The following RAD51B variants were observed in gnomAD, a reference collection of about 807,000 sequenced individuals.
RAD51B encodes RAD51 paralog B, also known as DNA repair protein RAD51 homolog 2.
Under a neutral mutation model 42.2 loss-of-function variants are expected in RAD51B, and 38 were observed. The ratio of observed to expected loss-of-function variants is 0.90; its 90% CI spans 0.70 to 1.18. The LOEUF is 1.18. Among genes scored for constraint, RAD51B ranks in the 50% most tolerant of loss-of-function variants. The pLI is 0.00. For synonymous variants in RAD51B, 154 were observed against 145.2 expected (o/e 1.06, Z -0.43); for missense variants, 373 against 400.7 (o/e 0.93, Z 0.59).
At chr14:68,611,148 C>T (rs1294804496) in exon 11 of RAD51B, 3 of 703,148 alleles carry the variant, frequency 4.3e-6, no homozygotes, top group Non-Finnish European at 5.2e-6. Context: ...TCTCCATGTG[C>T]CCTCCACAGA....
intron 7 of RAD51B, among the ~76,000 whole-genome samples, chr14:68,063,907 G>A (rs2076608774): frequency 6.6e-6 from 1 of 152,054 alleles, no homozygotes; most frequent in African/African-American, 2.4e-5. Flanking sequence ...TTGTTATTTT[G>A]TTATTTGTTT....
At chr14:68,460,661 G>C (rs1363796470) in intron 9 of RAD51B, among the ~76,000 whole-genome samples, 1 of 152,150 alleles carries the variant, frequency 6.6e-6, no homozygotes, top group East Asian at 1.9e-4. Flanking sequence ...GAGAAGGCCT[G>C]GGGTGACTAT....
At chr14:68,104,895 T>A (rs1352772653) in intron 7 of RAD51B, among the ~76,000 whole-genome samples, 1 of 152,112 alleles carries the variant, frequency 6.6e-6, no homozygotes, top group Non-Finnish European at 1.5e-5. Flanking sequence ...AAATGCATGA[T>A]TTTACTATGC....
intron 8 of RAD51B, among the ~76,000 whole-genome samples, chr14:68,326,174 G>A (rs1196675253): frequency 1.3e-5 from 2 of 150,852 alleles, no homozygotes; most frequent in Middle Eastern, 3.2e-3. Context: ...CCGAGTAGCT[G>A]GTATTACAGG....
chr14:68,013,307 C>T (rs1362807450), intron 7 of RAD51B, among the ~76,000 whole-genome samples: 5 of 152,118 alleles, frequency 3.3e-5, no homozygotes, highest in East Asian at 1.9e-4. Context: ...CTTCTTATGA[C>T]AGAGCCTTGG....
At chr14:67,922,732 C>T (rs995005276) in intron 7 of RAD51B, among the ~76,000 whole-genome samples, 3 of 147,506 alleles carry the variant, frequency 2.0e-5, no homozygotes, top group Admixed American at 6.8e-5. Flanking sequence ...TGCTCTGTCG[C>T]GCGGCCTGGA....
intron 7 of RAD51B, among the ~76,000 whole-genome samples, chr14:68,054,600 T>C (rs191812975): frequency 2.6e-5 from 4 of 152,340 alleles, no homozygotes; most frequent in East Asian, 3.9e-4. Flanking sequence ...ATCCTAGATA[T>C]GAAAAAGCAA....
intron 10 of RAD51B, among the ~76,000 whole-genome samples, chr14:68,592,845 G>A (rs1890817069): frequency 6.6e-6 from 1 of 152,230 alleles, no homozygotes; most frequent in Non-Finnish European, 1.5e-5. Context: ...GCAGGGCACC[G>A]TGCTCTTGGC....
At chr14:67,982,554 C>G (rs1475128596) in intron 7 of RAD51B, among the ~76,000 whole-genome samples, 2 of 152,124 alleles carry the variant, frequency 1.3e-5, no homozygotes, top group African/African-American at 4.8e-5. Flanking sequence ...CCTTGACCAT[C>G]CAATACTTCA....
At chr14:68,428,481 G>A (rs951380265) in intron 9 of RAD51B, among the ~76,000 whole-genome samples, 1 of 151,504 alleles carries the variant, frequency 6.6e-6, no homozygotes. Context: ...GAACTTATTC[G>A]CATTGCATAA....
chr14:68,589,942 C>T (rs1401203446), intron 10 of RAD51B, among the ~76,000 whole-genome samples: 1 of 152,188 alleles, frequency 6.6e-6, no homozygotes, highest in African/African-American at 2.4e-5. Flanking sequence ...CACGAACACA[C>T]ACATTCCATA....
intron 7 of RAD51B, among the ~76,000 whole-genome samples, chr14:68,077,090 C>T (rs1015759861): frequency 2.6e-5 from 4 of 152,178 alleles, no homozygotes; most frequent in African/African-American, 9.7e-5. Flanking sequence ...ATAACAGCAA[C>T]AGGGTTAAAA....
chr14:68,569,959 C>G (rs981524937), intron 10 of RAD51B, among the ~76,000 whole-genome samples: 1 of 152,244 alleles, frequency 6.6e-6, no homozygotes, highest in Non-Finnish European at 1.5e-5. Context: ...GGTTGTGAAC[C>G]AGGCCTGATG....
intron 7 of RAD51B, among the ~76,000 whole-genome samples, chr14:68,034,491 A>G (rs551652147): frequency 6.6e-6 from 1 of 151,994 alleles, no homozygotes; most frequent in Non-Finnish European, 1.5e-5. Flanking sequence ...CTGGTCTCGA[A>G]CTCTTGGGCT....
At chr14:68,617,436 G>C (rs1891848345) in intron 10 of RAD51B, among the ~76,000 whole-genome samples, 1 of 152,138 alleles carries the variant, frequency 6.6e-6, no homozygotes, top group South Asian at 2.1e-4. Flanking sequence ...TCAGCTTATA[G>C]CTTCTGGTCA....
intron 8 of RAD51B, among the ~76,000 whole-genome samples, chr14:68,338,468 G>A (rs1168458541): frequency 6.6e-6 from 1 of 152,160 alleles, no homozygotes; most frequent in African/African-American, 2.4e-5. Context: ...TCCCAGCCCA[G>A]GGAGACTAGC....
chr14:67,893,509 C>CACAA (rs1486364425), intron 7 of RAD51B, among the ~76,000 whole-genome samples: 10 of 83,770 alleles, frequency 1.2e-4, no homozygotes, highest in South Asian at 3.8e-4. Context: ...CACACACACA[C>CACAA]AAAAAAAAAC....
intron 8 of RAD51B, among the ~76,000 whole-genome samples, chr14:68,341,294 C>T (rs1294677342): frequency 6.6e-6 from 1 of 152,110 alleles, no homozygotes; most frequent in Non-Finnish European, 1.5e-5. Flanking sequence ...ATCAGAGTAG[C>T]TTCATCATTA....
At chr14:67,985,555 TC>T (rs139736217) in intron 7 of RAD51B, among the ~76,000 whole-genome samples, 9,076 of 152,158 alleles carry the variant, frequency 0.06, 629 homozygotes, top group African/African-American at 0.17. Flanking sequence ...CTATTTAGTT[TC>T]CTTTAATACA....
Sources: allele counts gnomAD v4.1 joint callset (sites outside exome capture counted in the v4.1 genomes callset), GRCh38; gene constraint gnomAD v4.1.1; transcripts MANE v1.5; gene names NCBI Gene and HGNC (gene_info 2026-07-23, HGNC 2026-07-21).